The following ERICH3 variants were observed in gnomAD, a reference collection of about 807,000 sequenced individuals.
ERICH3 encodes the protein glutamate-rich protein 3.
A neutral mutation model predicts 131.1 loss-of-function variants in ERICH3; 126 were observed. That is an observed-to-expected ratio of 0.96 (90% CI 0.83 to 1.11). The LOEUF (loss-of-function observed/expected upper bound fraction) is 1.11. ERICH3 is among the 50% of genes most tolerant of loss of function. The pLI, the probability that ERICH3 is intolerant of heterozygous loss-of-function variation, is 0.00. For synonymous variants in ERICH3, 695 were observed against 644.6 expected, an observed-to-expected ratio of 1.08 and a Z score of -1.18; for missense variants, 2,050 against 1,810.7, an observed-to-expected ratio of 1.13 and a Z score of -2.40.
intron 7 of ERICH3, among the ~76,000 whole-genome samples, chr1:74,626,294 A>G (rs1649413107): frequency 6.6e-6 from 1 of 152,174 alleles, no homozygotes; most frequent in African/African-American, 2.4e-5. Flanking sequence ...TTTAAAATAA[A>G]TAAGGCAACT....
intron 1 of ERICH3, among the ~76,000 whole-genome samples, chr1:74,664,099 G>A (rs115132781): frequency 0.025 from 3,857 of 152,098 alleles, 39 homozygotes; most frequent in Middle Eastern, 0.075. Context: ...AGACAAAATA[G>A]TCTTAGAAGC....
At chr1:74,647,974 T>C (rs562026453) in intron 2 of ERICH3, among the ~76,000 whole-genome samples, 43 of 152,270 alleles carry the variant, frequency 2.8e-4, no homozygotes, top group African/African-American at 9.9e-4. Flanking sequence ...GCAAAGGTGC[T>C]TAAACTTGAC....
chr1:74,670,954 T>C (rs905143865), intron 1 of ERICH3, among the ~76,000 whole-genome samples: 1 of 152,138 alleles, frequency 6.6e-6, no homozygotes, highest in Non-Finnish European at 1.5e-5. Flanking sequence ...GTCTGTCTTA[T>C]GCGGTTGAGA....
intron 8 of ERICH3, among the ~76,000 whole-genome samples, chr1:74,617,621 A>G (rs1475241592): frequency 6.6e-6 from 1 of 152,238 alleles, no homozygotes; most frequent in African/African-American, 2.4e-5. Context: ...TTGTGTTTAT[A>G]GGAAATGTCC....
At chr1:74,603,648 C>A (rs1648252435) in intron 10 of ERICH3, among the ~76,000 whole-genome samples, 1 of 151,798 alleles carries the variant, frequency 6.6e-6, no homozygotes, top group South Asian at 2.1e-4. Context: ...CAGGCCATTG[C>A]AATAAAGATA....
chr1:74,662,580 C>A (rs930016141), intron 1 of ERICH3, among the ~76,000 whole-genome samples: 2 of 151,932 alleles, frequency 1.3e-5, no homozygotes, highest in African/African-American at 4.8e-5. Flanking sequence ...AAGGAAAAAT[C>A]CTAATTTGGT....
chr1:74,572,277 C>T lies in ERICH3; in HGVS notation c.3433G>A (p.Gly1145Arg). 1 of 1,614,064 alleles carries T rather than the reference C, an allele frequency of 6.2e-7. No homozygotes were observed. The highest frequency in any genetic ancestry group is 8.5e-7 in the Non-Finnish European group (1 of 1,180,010). ...ACTGTCTCTTTTAGTGAATCTTCTCCTAGAAGCCCTGGATTGTCAGACAAC... is the reference window on the plus strand; with the variant it reads ...ACTGTCTCTTTTAGTGAATCTTCTCTTAGAAGCCCTGGATTGTCAGACAAC... ...SELSDNPGLL[G>R]EDSLKETVVP... Residue 1145 changes from glycine (G) to arginine (R), a missense_variant, in exon 14 of 15, where the codon GGA becomes AGA. By Grantham distance (125) the Gly-to-Arg change is moderately radical. Transcript: ENST00000326665.
At chr1:74,654,362 A>ATG (rs930322141) in intron 1 of ERICH3, among the ~76,000 whole-genome samples, 2 of 151,460 alleles carry the variant, frequency 1.3e-5, no homozygotes, top group African/African-American at 4.9e-5. Flanking sequence ...ATGTGTATAT[A>ATG]TATATATGTA....
At chr1:74,587,296 G>T (rs1647376117) in intron 12 of ERICH3, among the ~76,000 whole-genome samples, 1 of 128,520 alleles carries the variant, frequency 7.8e-6, no homozygotes, top group African/African-American at 3.2e-5. Context: ...CTGCACTCCA[G>T]CCTGGGTGAC....
chr1:74,591,115 A>T (rs756825118), intron 11 of ERICH3, among the ~76,000 whole-genome samples: 1 of 152,178 alleles, frequency 6.6e-6, no homozygotes, highest in Non-Finnish European at 1.5e-5. Flanking sequence ...ACATAGACAA[A>T]TATTTTTAGG....
Position 74,572,472 on chromosome 1 carries a change from C to T in ERICH3, c.3238G>A (p.Val1080Met), listed in dbSNP as rs1316008767. ...TCCTTGAGTGCATTTGCCCTTGTCA[C>T]CTCTTCTCTCTCAGAGTCAGTTTTC... ...LRKTDSEREE[V>M]TRANALKDED... Residue 1080 changes from valine to methionine, a missense_variant, in exon 14 of 15, where the codon GTG becomes ATG. Physicochemically the swap from Val to Met is conservative, Grantham distance 21. Coordinates refer to ENST00000326665, the MANE Select transcript of ERICH3 (RefSeq NM_001002912.5). The T allele has an allele frequency of 6.2e-6, 10 of 1,613,988 alleles. No homozygotes were observed. In the African/African-American group the frequency reaches 8.0e-5, roughly 13 times the overall value.
At chr1:74,581,916 A>C (rs1189683652) in intron 12 of ERICH3, among the ~76,000 whole-genome samples, 2 of 152,194 alleles carry the variant, frequency 1.3e-5, no homozygotes. Flanking sequence ...GGAGAAAGGA[A>C]AGGAAAGTGG....
chr1:74,618,169 A>G (rs997827008), intron 8 of ERICH3, among the ~76,000 whole-genome samples: 2 of 152,208 alleles, frequency 1.3e-5, no homozygotes, highest in Non-Finnish European at 2.9e-5. Context: ...TAAAAAAGAA[A>G]AAAATTAAAA....
chr1:74,582,231 C>T (rs1647193421), intron 12 of ERICH3, among the ~76,000 whole-genome samples: 2 of 152,118 alleles, frequency 1.3e-5, no homozygotes, highest in Non-Finnish European at 2.9e-5. Context: ...TCTTCTAATC[C>T]TTTAAGTCTA....
At position 74,631,946 on chromosome 1, in the gene ERICH3, C is replaced by A. The variant is rs369410424; in HGVS notation, c.604-18G>T. On this transcript the variant is annotated intron_variant, in intron 6 of 14. Coordinates refer to ENST00000326665, the MANE Select transcript of ERICH3 (RefSeq NM_001002912.5). ...TTCTTGCCCTGTAATCATATTTCAT[C>A]GCATAAGAACCAGTGAAACAGAATC... 6.3e-7 allele frequency: 1 copy of A among 1,596,772 alleles called. No individual in the cohort carries two copies. The highest frequency in any genetic ancestry group is 8.6e-7 in the Non-Finnish European group (1 of 1,167,246).
rs767656713 is a variant in ERICH3 at position 74,644,614 on chromosome 1, C to T, written c.244-1516G>A. 1.2e-4 allele frequency among the ~76,000 whole-genome samples: 18 copies of T among 152,020 alleles called. 1 individual carries two copies. The highest frequency in any genetic ancestry group is 4.2e-4 in the South Asian group (2 of 4,818). On this transcript the variant is annotated intron_variant, in intron 3 of 14. Transcript: ENST00000326665. ...ATCTTTCTTCTGAGCTCTTTCTTCTCCCTCACTCCTTCACATTCAGTCAGC... is the reference window on the plus strand; with the variant it reads ...ATCTTTCTTCTGAGCTCTTTCTTCTTCCTCACTCCTTCACATTCAGTCAGC...
chr1:74,594,874 TA>T (rs1450070066), intron 11 of ERICH3, among the ~76,000 whole-genome samples: 1 of 152,176 alleles, frequency 6.6e-6, no homozygotes, highest in Non-Finnish European at 1.5e-5. Context: ...GTCCTGATTT[TA>T]ACTACTTTGT....
intron 7 of ERICH3, among the ~76,000 whole-genome samples, chr1:74,629,289 G>A (rs928074268): frequency 6.6e-6 from 1 of 151,594 alleles, no homozygotes; most frequent in African/African-American, 2.4e-5. Context: ...GAAAGTAGGA[G>A]AGAAAAGCTA....
intron 11 of ERICH3, among the ~76,000 whole-genome samples, chr1:74,594,271 G>GGT (rs1350415828): frequency 5.9e-5 from 8 of 136,160 alleles, no homozygotes; most frequent in Admixed American, 5.6e-4. Context: ...ACAAAAATGG[G>GGT]GCGTGTGTGT....
Sources: gnomAD v4.1 joint callset for allele counts (sites outside exome capture counted in the v4.1 genomes callset) on GRCh38, gnomAD v4.1.1 for gene constraint, MANE v1.5 for transcripts, NCBI Gene and HGNC (gene_info 2026-07-23, HGNC 2026-07-21) for gene names.